The following CCDC90B variants were observed in gnomAD, a reference collection of about 807,000 sequenced individuals.
The protein encoded by CCDC90B is coiled-coil domain containing 90B, also known as coiled-coil domain-containing protein 90B, mitochondrial.
In CCDC90B, 24 loss-of-function variants were observed where a neutral mutation model predicts 37.0. That is an observed-to-expected ratio of 0.65 (90% CI 0.47 to 0.91). The LOEUF (loss-of-function observed/expected upper bound fraction) is 0.91, where lower values mean the gene tolerates loss of function less well. Among genes scored for constraint, CCDC90B ranks in the 40% least tolerant of loss-of-function variants. The pLI is 0.00. For synonymous variants in CCDC90B, 113 were observed against 101.1 expected (o/e 1.12, Z -0.71); for missense variants, 319 against 299.0 (o/e 1.07, Z -0.49).
At chr11:83,264,929 A>T (rs897556440) in intron 8 of CCDC90B, among the ~76,000 whole-genome samples, 1 of 126,820 alleles carries the variant, frequency 7.9e-6, no homozygotes, top group Non-Finnish European at 1.6e-5. Flanking sequence ...GGACACAGGA[A>T]GGGGAACATC....
At chr11:83,281,899 C>G (rs774545806) in intron 1 of CCDC90B, among the ~76,000 whole-genome samples, 5 of 152,100 alleles carry the variant, frequency 3.3e-5, no homozygotes, top group African/African-American at 1.2e-4. Context: ...AGTATGGATG[C>G]TCCTCAGCTT....
At chr11:83,281,256 A>G (rs1480415121) in intron 1 of CCDC90B, among the ~76,000 whole-genome samples, 1 of 152,192 alleles carries the variant, frequency 6.6e-6, no homozygotes, top group Non-Finnish European at 1.5e-5. Flanking sequence ...TTCCACTAGT[A>G]CTGTGTAGGA....
chr11:83,264,333 A>T (rs182323784), intron 8 of CCDC90B, among the ~76,000 whole-genome samples: 2 of 152,292 alleles, frequency 1.3e-5, no homozygotes, highest in Admixed American at 6.5e-5. Flanking sequence ...AAAATACGTG[A>T]TCTAATTATT....
intron 1 of CCDC90B, among the ~76,000 whole-genome samples, chr11:83,282,296 T>G (rs1045396307): frequency 5.3e-5 from 8 of 152,204 alleles, no homozygotes; most frequent in Admixed American, 1.3e-4. Context: ...AGGATCAAAA[T>G]TCAAAGTACA....
At chr11:83,269,320 G>T (rs1266272343) in intron 7 of CCDC90B, among the ~76,000 whole-genome samples, 1 of 151,728 alleles carries the variant, frequency 6.6e-6, no homozygotes, top group African/African-American at 2.4e-5. Flanking sequence ...CCTTAAAAAA[G>T]AGATAAGAGA....
At chr11:83,268,429 C>A (rs1230986209) in intron 7 of CCDC90B, among the ~76,000 whole-genome samples, 55 of 144,368 alleles carry the variant, frequency 3.8e-4, no homozygotes, top group Admixed American at 7.5e-4. Context: ...AAATGGAAAG[C>A]AAAAAAAAAA....
At chr11:83,262,773 T>C (rs1864001148) in intron 8 of CCDC90B, among the ~76,000 whole-genome samples, 1 of 152,232 alleles carries the variant, frequency 6.6e-6, no homozygotes, top group Non-Finnish European at 1.5e-5. Flanking sequence ...TGAAACTTGG[T>C]TAATGATAAG....
At chr11:83,271,105 C>T (rs907415203) in intron 7 of CCDC90B, among the ~76,000 whole-genome samples, 1 of 152,180 alleles carries the variant, frequency 6.6e-6, no homozygotes, top group African/African-American at 2.4e-5. Context: ...CTTCCTTACA[C>T]CTTATACAAA....
In CCDC90B at chr11:83,280,274, C is replaced by G. The variant is rs761138038; in HGVS notation, c.101-14G>C. 6.2e-7 allele frequency: 1 copy of G among 1,607,410 alleles called. No homozygotes were observed. The highest frequency in any genetic ancestry group is 1.1e-5 in the South Asian group (1 of 89,926). On this transcript the variant is annotated splice_polypyrimidine_tract_variant and intron_variant, in intron 1 of 8. Coordinates refer to ENST00000529689, the MANE Select transcript of CCDC90B (RefSeq NM_021825.5). ...TAGTGAAGAACTCTGAAAGAGAAGA[C>G]AATTTTTTTCTTTTGTAGTAACTGA...
chr11:83,279,824 T>A (rs1268909584), intron 2 of CCDC90B, among the ~76,000 whole-genome samples: 2 of 152,114 alleles, frequency 1.3e-5, no homozygotes, highest in African/African-American at 4.8e-5. Context: ...TGCTTTTTTT[T>A]TATTTTTTAA....
intron 8 of CCDC90B, among the ~76,000 whole-genome samples, chr11:83,264,083 G>T (rs1250399880): frequency 6.6e-6 from 1 of 152,034 alleles, no homozygotes; most frequent in Admixed American, 6.6e-5. Context: ...CTAGCACAGG[G>T]CCACCAAGAT....
intron 3 of CCDC90B, among the ~76,000 whole-genome samples, chr11:83,278,186 T>A (rs904974523): frequency 1.3e-5 from 2 of 152,210 alleles, no homozygotes; most frequent in Non-Finnish European, 2.9e-5. Context: ...TATTAGAGAT[T>A]AAATAATATA....
chr11:83,278,599 T>C (rs1865182503), intron 3 of CCDC90B, 127 bp downstream of exon 3: 2 of 578,902 alleles, frequency 3.5e-6, no homozygotes, highest in Non-Finnish European at 6.2e-6. Flanking sequence ...ATGTTTTTTT[T>C]TGTGGTCCCT....
Position 83,265,882 on chromosome 11 carries a change from G to GAA in CCDC90B, c.691_692insTT (p.Thr231IlefsTer16), listed in dbSNP as rs763384213. 2 of 1,604,132 alleles carry GAA rather than the reference G, an allele frequency of 1.2e-6. No homozygotes were observed. Among genetic ancestry groups the GAA allele is most frequent in the Non-Finnish European group, 1.7e-6 (2 of 1,173,416 alleles). ...AGTCTTACCTGCAAGATAACGAATT[G>GAA]TCTCAAGTTTGTTAGATTCCATCAG... is the stretch of plus-strand genomic sequence containing the variant. On this transcript the variant is annotated frameshift_variant, in exon 8 of 9. Transcript: ENST00000529689. LOFTEE classifies it high-confidence loss of function.
At chr11:83,283,478 CATA>C (rs1318355012) in intron 1 of CCDC90B, among the ~76,000 whole-genome samples, 2 of 152,186 alleles carry the variant, frequency 1.3e-5, no homozygotes, top group Non-Finnish European at 2.9e-5. Context: ...CAAATATTCA[CATA>C]ATATTTTGCT....
Position 83,285,958 on chromosome 11 carries a change from C to A in CCDC90B, c.15G>T (p.Gln5His), listed in dbSNP as rs1414861110. MNSR[Q>H]AWRLFLSQGR... Reference sequence around the variant, plus strand: ...CTTGGGAGAGAAAGAGCCGCCAAGCCTGGCGACTATTCATGTCCTCAGAGT... The same window carrying A: ...CTTGGGAGAGAAAGAGCCGCCAAGCATGGCGACTATTCATGTCCTCAGAGT... Residue 5 changes from glutamine to histidine, a missense_variant, in exon 1 of 9, where the codon CAG (glutamine) becomes CAT (histidine). Gln to His is a conservative substitution (Grantham distance 24). Transcript: ENST00000529689. The A allele has an allele frequency of 1.2e-6, 2 of 1,611,994 alleles. No individual in the cohort carries two copies. Among genetic ancestry groups the A allele is most frequent in the African/African-American group, 1.3e-5 (1 of 74,992 alleles).
intron 1 of CCDC90B, 140 bp downstream of exon 1, chr11:83,285,733 C>A: frequency 6.9e-7 from 1 of 1,444,634 alleles, no homozygotes; most frequent in South Asian, 1.5e-5. Flanking sequence ...CAGCAGGCAG[C>A]GGCGTCGCCC....
chr11:83,269,152 A>G (rs1864483231), intron 7 of CCDC90B, among the ~76,000 whole-genome samples: 2 of 152,366 alleles, frequency 1.3e-5, no homozygotes, highest in Admixed American at 6.5e-5. Flanking sequence ...AATGCCCACA[A>G]GAGAAAGCAG....
At chr11:83,274,774 A>G (rs111997205) in intron 3 of CCDC90B, 34 bp from the exon 4 acceptor site, 3 of 1,272,358 alleles carry the variant, frequency 2.4e-6, no homozygotes, top group Non-Finnish European at 2.3e-6. Context: ...CTAGTGATCT[A>G]TAGAAAGCCA....
Sources: allele counts gnomAD v4.1 joint callset (sites outside exome capture counted in the v4.1 genomes callset), GRCh38; gene constraint gnomAD v4.1.1; transcripts MANE v1.5; gene names NCBI Gene and HGNC (gene_info 2026-07-23, HGNC 2026-07-21).